IL7R: variants seen among roughly 807,000 people sequenced by gnomAD.
IL7R encodes interleukin 7 receptor.
A neutral mutation model predicts 47.0 loss-of-function variants in IL7R; 38 were observed. That is an observed-to-expected ratio of 0.81 (90% confidence interval 0.62 to 1.06). IL7R has a LOEUF of 1.06. Among genes scored for constraint, IL7R ranks in the 50% least tolerant of loss-of-function variants. The probability of loss-of-function intolerance (pLI) is 0.00; values close to 1 mark genes in which losing one functional copy is unlikely to be tolerated. For missense variants in IL7R, 633 were observed against 534.8 expected (o/e 1.18, Z -1.81); for synonymous variants, 221 against 199.8 (o/e 1.11, Z -0.89).
At chr5:35,867,074 T>G (rs1434279684) in intron 2 of IL7R, among the ~76,000 whole-genome samples, 2 of 152,190 alleles carry the variant, frequency 1.3e-5, no homozygotes, top group African/African-American at 4.8e-5. Context: ...CTTGACTATT[T>G]CAGGTTCAAT....
In IL7R at chr5:35,879,026, G is replaced by A. The variant is rs1760287180; in HGVS notation, c.*2540G>A. 1 of 232,636 alleles carries A rather than the reference G, an allele frequency of 4.3e-6. No homozygotes were observed. The allele number at this position is 232,636 out of a possible 1,614,324, so 14.4% of individuals were successfully genotyped here. A position where few individuals can be genotyped will look rare whatever the true frequency, so the allele number is the denominator to read the frequency against. On this transcript the variant is annotated 3_prime_UTR_variant, in exon 8 of 8. Coordinates refer to ENST00000303115, the MANE Select transcript of IL7R (RefSeq NM_002185.5). ...TCTTGATTATATACCTAGGGACAAT[G>A]TGTAATGTAAGATTACTAATTGGTT...
chr5:35,861,692 A>T (rs557285996), intron 2 of IL7R, among the ~76,000 whole-genome samples: 1 of 129,898 alleles, frequency 7.7e-6, no homozygotes, highest in African/African-American at 3.1e-5. Flanking sequence ...GGTCTCACAG[A>T]AAAGACAAAG....
intron 1 of IL7R, among the ~76,000 whole-genome samples, chr5:35,859,582 C>A (rs898925649): frequency 6.6e-6 from 1 of 152,126 alleles, no homozygotes; most frequent in African/African-American, 2.4e-5. Context: ...GTGAGCAGTG[C>A]CCACACCCAT....
intron 2 of IL7R, among the ~76,000 whole-genome samples, chr5:35,864,199 T>A (rs1759885276): frequency 1.3e-5 from 2 of 152,178 alleles, no homozygotes; most frequent in Admixed American, 1.3e-4. Context: ...GATGTCCATC[T>A]CATAGCTCAT....
In IL7R at chr5:35,873,610, G is replaced by C; in HGVS notation, c.668G>C (p.Ser223Thr). Residue 223 changes from serine to threonine, a missense_variant, in exon 5 of 8, where the codon AGT becomes ACT. Physicochemically the swap from Ser to Thr is moderately conservative, Grantham distance 58 (BLOSUM62 1). Transcript: ENST00000303115. ...GGCTTCTGGAGTGAATGGAGTCCAA[G>C]TTATTACTTCAGAACTCCAGAGATC... is the stretch of plus-strand genomic sequence containing the variant. Reference protein sequence around the residue: ...FKGFWSEWSPSYYFRTPEINN... With the variant: ...FKGFWSEWSPTYYFRTPEINN... 1 of 1,614,072 alleles carries C rather than the reference G, an allele frequency of 6.2e-7. No homozygotes were observed. Among genetic ancestry groups the C allele is most frequent in the Non-Finnish European group, 8.5e-7 (1 of 1,179,908 alleles).
chr5:35,868,943 G>C (rs902616445), intron 3 of IL7R, among the ~76,000 whole-genome samples: 6 of 152,216 alleles, frequency 3.9e-5, no homozygotes, highest in African/African-American at 1.2e-4. Context: ...TCCTCCGAAC[G>C]GCAAGGGGGA....
chr5:35,866,924 AT>A (rs1027767705), intron 2 of IL7R, among the ~76,000 whole-genome samples: 2 of 152,012 alleles, frequency 1.3e-5, no homozygotes, highest in African/African-American at 4.8e-5. Flanking sequence ...TTTAATCAAT[AT>A]TTTTTACAGC....
intron 3 of IL7R, among the ~76,000 whole-genome samples, chr5:35,869,916 A>G (rs1202521411): frequency 6.6e-6 from 1 of 152,226 alleles, no homozygotes; most frequent in East Asian, 1.9e-4. Flanking sequence ...AAGGCAAAGC[A>G]GCAGAAACAG....
chr5:35,873,477 T>C lies in IL7R; in HGVS notation c.538-3T>C. 2 of 1,613,254 alleles carry C rather than the reference T, an allele frequency of 1.2e-6. No homozygotes were observed. The highest frequency in any genetic ancestry group is 1.7e-6 in the Non-Finnish European group (2 of 1,179,234). ...AAGAATGTAACTGCACTCTACTCTC[T>C]AGCATGTGAATTTATCCAGCACAAA... is the stretch of plus-strand genomic sequence containing the variant. On this transcript the variant is annotated splice_region_variant and splice_polypyrimidine_tract_variant and intron_variant, in intron 4 of 7. Transcript: ENST00000303115.
intron 3 of IL7R, among the ~76,000 whole-genome samples, chr5:35,870,277 T>C (rs567277887): frequency 6.6e-6 from 1 of 152,334 alleles, no homozygotes; most frequent in African/African-American, 2.4e-5. Context: ...TGTGGAGCAT[T>C]TGATACTAAC....
chr5:35,861,308 C>A (rs1311133466), intron 2 of IL7R, among the ~76,000 whole-genome samples: 2 of 152,086 alleles, frequency 1.3e-5, no homozygotes, highest in Non-Finnish European at 2.9e-5. Flanking sequence ...AATCTGTTTG[C>A]CCAACACGAG....
rs183824241 is a variant in IL7R at position 35,867,694 on chromosome 5, T to C, written c.379+231T>C. The C allele has an allele frequency of 2.1e-4, 131 of 621,916 alleles. No homozygotes were observed. The East Asian group carries it at 3.3e-3, about 16-fold the overall frequency. The allele number at this position is 621,916 out of a possible 1,614,324, so 38.5% of individuals were successfully genotyped here. Reference sequence around the variant, plus strand: ...ACCCAGGTGTGAAAGATAGTGTTTGTGCAAACCTACATGAAGTGGCTAACT... The same window carrying C: ...ACCCAGGTGTGAAAGATAGTGTTTGCGCAAACCTACATGAAGTGGCTAACT... On this transcript the variant is annotated intron_variant, in intron 3 of 7. Coordinates refer to ENST00000303115, the MANE Select transcript of IL7R (RefSeq NM_002185.5).
chr5:35,871,302 C>T, intron 4 of IL7R, 89 bp downstream of exon 4: 1 of 1,084,464 alleles, frequency 9.2e-7, no homozygotes, highest in Non-Finnish European at 1.4e-6. Context: ...TGGGAGGGCC[C>T]AACAATTTTG....
At position 35,878,143 on chromosome 5, in the gene IL7R, G is replaced by A. The variant is rs1760261203; in HGVS notation, c.*1657G>A. Reference sequence around the variant, plus strand: ...CCTTATCTGTTGGCTTAAAGGACTGGTAAGATCAGACCATCTTATTCTTCA... The same window carrying A: ...CCTTATCTGTTGGCTTAAAGGACTGATAAGATCAGACCATCTTATTCTTCA... On this transcript the variant is annotated 3_prime_UTR_variant, in exon 8 of 8. Coordinates refer to ENST00000303115, the MANE Select transcript of IL7R (RefSeq NM_002185.5). 8.6e-6 allele frequency: 2 copies of A among 233,284 alleles called. No homozygotes were observed. Among genetic ancestry groups the A allele is most frequent in the East Asian group, 1.2e-4 (2 of 16,582 alleles). 14.5% of individuals were successfully genotyped at this position (233,284 alleles called of 1,614,324 possible). A position where few individuals can be genotyped will look rare whatever the true frequency, so the allele number is the denominator to read the frequency against.
In IL7R at chr5:35,877,743, G is replaced by A. The variant is rs1760252905; in HGVS notation, c.*1257G>A. ...GCTACAATCTTGAAGATATACGGAA[G>A]AGACGTATTATTAATGCTTGACATA... is the stretch of plus-strand genomic sequence containing the variant. On this transcript the variant is annotated 3_prime_UTR_variant, in exon 8 of 8. Transcript: ENST00000303115. 4.3e-6 allele frequency: 1 copy of A among 233,174 alleles called. No individual in the cohort carries two copies. Among genetic ancestry groups the A allele is most frequent in the African/African-American group, 2.2e-5 (1 of 45,352 alleles). 14.4% of individuals were successfully genotyped at this position (233,174 alleles called of 1,614,324 possible).
chr5:35,859,203 T>C (rs972942751), intron 1 of IL7R, among the ~76,000 whole-genome samples: 1 of 152,208 alleles, frequency 6.6e-6, no homozygotes, highest in Admixed American at 6.5e-5. Context: ...GGGAGTCCTT[T>C]GTTATGTGGG....
At chr5:35,873,392 C>A in intron 4 of IL7R, 88 bp from the exon 5 acceptor site, 4 of 1,119,414 alleles carry the variant, frequency 3.6e-6, no homozygotes, top group Non-Finnish European at 4.1e-6. Context: ...GCTTATGGGA[C>A]TAAAGGAATC....
chr5:35,864,635 G>C (rs1038352727), intron 2 of IL7R, among the ~76,000 whole-genome samples: 1 of 152,070 alleles, frequency 6.6e-6, no homozygotes, highest in African/African-American at 2.4e-5. Flanking sequence ...CTTTGGGCTA[G>C]TATCTGTTAA....
At chr5:35,869,187 T>C (rs1292638075) in intron 3 of IL7R, among the ~76,000 whole-genome samples, 1 of 152,152 alleles carries the variant, frequency 6.6e-6, no homozygotes, top group South Asian at 2.1e-4. Context: ...AGTGCTCCAC[T>C]GCCACCACCT....
Sources: gnomAD v4.1 joint callset for allele counts (sites outside exome capture counted in the v4.1 genomes callset) on GRCh38, gnomAD v4.1.1 for gene constraint, MANE v1.5 for transcripts, NCBI Gene and HGNC (gene_info 2026-07-23, HGNC 2026-07-21) for gene names.